The following ERO1A variants were observed in gnomAD, a reference collection of about 807,000 sequenced individuals.
ERO1A encodes endoplasmic reticulum oxidoreductase 1 alpha.
In ERO1A, 49 loss-of-function variants were observed where a neutral mutation model predicts 76.9. The observed-to-expected ratio is 0.64, with a 90% CI of 0.51 to 0.81. The LOEUF is 0.81. Ranked by LOEUF, ERO1A falls within the 30% of genes least tolerant of loss-of-function variation. The pLI is 0.00. For synonymous variants in ERO1A, 174 were observed against 181.2 expected, an observed-to-expected ratio of 0.96 and a Z score of 0.32; for missense variants, 448 against 542.1, an observed-to-expected ratio of 0.83 and a Z score of 1.72.
At chr14:52,664,124 G>C (rs143003730) in intron 7 of ERO1A, 1 of 247,578 alleles carries the variant, frequency 4.0e-6, no homozygotes, top group African/African-American at 2.3e-5. Context: ...CTCTTCTCTC[G>C]GAGTCACTAC....
chr14:52,675,431 T>C (rs1018426935), intron 4 of ERO1A, among the ~76,000 whole-genome samples: 1 of 152,036 alleles, frequency 6.6e-6, no homozygotes, highest in Non-Finnish European at 1.5e-5. Flanking sequence ...TATAAGAATG[T>C]TCAAGGGAAA....
chr14:52,678,498 A>C (rs1254042511), intron 3 of ERO1A, 26 bp from the exon 4 acceptor site: 1 of 1,588,982 alleles, frequency 6.3e-7, no homozygotes, highest in Admixed American at 1.7e-5. Context: ...ATATGTTTTT[A>C]GTTGGCATTT....
At chr14:52,678,812 A>G (rs535480720) in intron 3 of ERO1A, among the ~76,000 whole-genome samples, 3 of 152,110 alleles carry the variant, frequency 2.0e-5, no homozygotes, top group Admixed American at 1.3e-4. Context: ...TCCTTTTGCT[A>G]TTACTCCAGT....
chr14:52,665,839 G>A lies in ERO1A; in HGVS notation c.629+536C>T, dbSNP rs112605954. Among the ~76,000 whole-genome samples, 745 of 152,264 alleles carry A rather than the reference G, an allele frequency of 4.9e-3. 6 individuals are homozygous for A. Among genetic ancestry groups the A allele is most frequent in the African/African-American group, 0.017 (720 of 41,538 alleles). On this transcript the variant is annotated intron_variant, in intron 7 of 15. Transcript: ENST00000395686. ...GTTTCTCTGTCTATAATACAGTGAT[G>A]ACTGCAACACAGGGTTATTGCAAGG...
At chr14:52,669,561 A>C (rs1479794675) in intron 6 of ERO1A, among the ~76,000 whole-genome samples, 1 of 152,198 alleles carries the variant, frequency 6.6e-6, no homozygotes, top group African/African-American at 2.4e-5. Context: ...TGAACTTTCC[A>C]GATTTTACAA....
intron 6 of ERO1A, among the ~76,000 whole-genome samples, chr14:52,668,028 T>C (rs761219673): frequency 2.0e-5 from 3 of 151,928 alleles, no homozygotes; most frequent in Non-Finnish European, 4.4e-5. Flanking sequence ...AGGGGGAAAT[T>C]TGCTTCTAGA....
intron 1 of ERO1A, among the ~76,000 whole-genome samples, chr14:52,687,962 G>A (rs1174447991): frequency 6.6e-6 from 1 of 152,146 alleles, no homozygotes; most frequent in Non-Finnish European, 1.5e-5. Context: ...AAGGCAGGAG[G>A]GTTGCTTGAG....
At chr14:52,681,006 G>A (rs2040975002) in intron 3 of ERO1A, among the ~76,000 whole-genome samples, 2 of 152,096 alleles carry the variant, frequency 1.3e-5, no homozygotes, top group Admixed American at 1.3e-4. Flanking sequence ...TGTCAAGAAT[G>A]TGAAGAAACT....
At chr14:52,677,581 C>G (rs2139740346) in intron 4 of ERO1A, among the ~76,000 whole-genome samples, 1 of 152,146 alleles carries the variant, frequency 6.6e-6, no homozygotes, top group East Asian at 1.9e-4. Flanking sequence ...TTAAAGAAAT[C>G]TGGCCTGGTG....
At chr14:52,667,257 G>T (rs1279700768) in intron 6 of ERO1A, among the ~76,000 whole-genome samples, 1 of 152,180 alleles carries the variant, frequency 6.6e-6, no homozygotes, top group African/African-American at 2.4e-5. Flanking sequence ...AATGCAGCAT[G>T]ATTCTGTGTC....
At chr14:52,648,190 T>A (rs900232167) in intron 13 of ERO1A, among the ~76,000 whole-genome samples, 1 of 152,174 alleles carries the variant, frequency 6.6e-6, no homozygotes, top group African/African-American at 2.4e-5. Flanking sequence ...GTACTATTTT[T>A]TTTTTATTTT....
rs1174590891 is a variant in ERO1A at position 52,657,909 on chromosome 14, T to C, written c.808+8A>G. On this transcript the variant is annotated splice_region_variant and intron_variant, in intron 11 of 15. Coordinates refer to ENST00000395686, the MANE Select transcript of ERO1A (RefSeq NM_014584.3). The stretch of plus-strand genomic sequence containing the variant: ...GTGGTAGACTGAATAAAAGTAAATG[T>C]CACATACCTTGTAAAAGATATCTTG... 8 of 1,580,286 alleles carry C rather than the reference T, an allele frequency of 5.1e-6. No individual in the cohort carries two copies. Among genetic ancestry groups the C allele is most frequent in the Non-Finnish European group, 6.9e-6 (8 of 1,156,968 alleles).
chr14:52,661,293 C>A lies in ERO1A; in HGVS notation c.688G>T (p.Glu230Ter). ...PLASGQGTSE[E>*]NTFYSWLEGL... is the part of the protein sequence containing the mutation. Reference sequence around the variant, plus strand: ...GTAATATATAATAAATTATACTTACCTTCACTTGTCCCTGAAAAGCAAAAC... The same window carrying A: ...GTAATATATAATAAATTATACTTACATTCACTTGTCCCTGAAAAGCAAAAC... The change falls in exon 9 of 16, where the codon GAG becomes TAG. Residue 230 changes from glutamate to a stop codon, truncating the protein, a stop_gained and splice_region_variant. Coordinates refer to ENST00000395686, the MANE Select transcript of ERO1A (RefSeq NM_014584.3). LOFTEE classifies it high-confidence loss of function. 3.0e-6 allele frequency: 4 copies of A among 1,318,290 alleles called. No individual in the cohort carries two copies. Among genetic ancestry groups the A allele is most frequent in the Non-Finnish European group, 4.1e-6 (4 of 979,204 alleles). 81.7% of individuals were successfully genotyped at this position (1,318,290 alleles called of 1,614,324 possible). A position where few individuals can be genotyped will look rare whatever the true frequency, so the allele number is the denominator to read the frequency against.
intron 6 of ERO1A, among the ~76,000 whole-genome samples, chr14:52,669,764 A>G (rs2040535082): frequency 6.6e-6 from 1 of 152,354 alleles, no homozygotes; most frequent in Non-Finnish European, 1.5e-5. Flanking sequence ...AAGGAATTAT[A>G]ACTAAGTATA....
In ERO1A at chr14:52,671,894, T is replaced by C. The variant is rs149925242; in HGVS notation, c.358-23A>G. Reference sequence around the variant, plus strand: ...ATACTAAAATGAAAAAGGGAATAAATAGATAATAACTTATTGCATTTTTAA... The same window carrying C: ...ATACTAAAATGAAAAAGGGAATAAACAGATAATAACTTATTGCATTTTTAA... On this transcript the variant is annotated intron_variant, in intron 4 of 15. Transcript: ENST00000395686. 817 of 1,427,590 alleles carry C rather than the reference T, an allele frequency of 5.7e-4. 2 individuals carry two copies. In the African/African-American group the frequency reaches 0.01, roughly 18 times the overall value. 88.4% of individuals were successfully genotyped at this position (1,427,590 alleles called of 1,614,324 possible).
intron 11 of ERO1A, among the ~76,000 whole-genome samples, chr14:52,656,299 G>T (rs1237028058): frequency 1.3e-5 from 2 of 151,960 alleles, no homozygotes; most frequent in African/African-American, 4.8e-5. Flanking sequence ...TCATTCATGT[G>T]ATGGAAAATA....
chr14:52,664,082 T>C, intron 7 of ERO1A: 1 of 329,882 alleles, frequency 3.0e-6, no homozygotes, highest in South Asian at 7.0e-5. Flanking sequence ...TAATCACTTC[T>C]TCAAACAAAA....
rs746892874 is a variant in ERO1A at position 52,643,491 on chromosome 14, A to G, written c.*79T>C. 5.4e-6 allele frequency: 5 copies of G among 918,534 alleles called. No individual in the cohort carries two copies. The highest frequency in any genetic ancestry group is 8.0e-6 in the Non-Finnish European group (5 of 626,988). 56.9% of individuals were successfully genotyped at this position (918,534 alleles called of 1,614,324 possible). ...ATAAAATGTTTGGCTTAAGACTGTC[A>G]TTGCTATTATGCCTTTGAATGAAAT... On this transcript the variant is annotated 3_prime_UTR_variant, in exon 16 of 16. Transcript: ENST00000395686.
intron 6 of ERO1A, among the ~76,000 whole-genome samples, chr14:52,669,298 G>A (rs1403147511): frequency 2.0e-5 from 3 of 151,942 alleles, no homozygotes; most frequent in Non-Finnish European, 4.4e-5. Flanking sequence ...GTCACAAAAG[G>A]ATGTTAATTA....
Sources: allele counts gnomAD v4.1 joint callset (sites outside exome capture counted in the v4.1 genomes callset), GRCh38; gene constraint gnomAD v4.1.1; transcripts MANE v1.5; gene names NCBI Gene and HGNC (gene_info 2026-07-23, HGNC 2026-07-21).